SRGAP2C: variants seen among roughly 807,000 people sequenced by gnomAD.
The protein encoded by SRGAP2C is SLIT-ROBO Rho GTPase-activating protein 2C.
A neutral mutation model predicts 25.1 loss-of-function variants in SRGAP2C; 15 were observed. The ratio of observed to expected loss-of-function variants is 0.60; its 90% CI spans 0.40 to 0.92. SRGAP2C has a LOEUF of 0.92. Ranked by LOEUF, SRGAP2C falls within the 40% of genes least tolerant of loss-of-function variation. SRGAP2C has a pLI of 0.00. For synonymous variants in SRGAP2C, 44 were observed against 96.6 expected (o/e 0.46, Z 3.19); for missense variants, 144 against 264.4 (o/e 0.54, Z 3.16).
intron 2 of SRGAP2C, among the ~76,000 whole-genome samples, chr1:121,198,227 A>G (rs1422289899): frequency 7.0e-6 from 1 of 142,492 alleles, no homozygotes; most frequent in East Asian, 2.1e-4. Flanking sequence ...ATGTTCCTCC[A>G]TTTTGGTGTA....
At chr1:121,320,883 G>A (rs1236446898) in intron 3 of SRGAP2C, among the ~76,000 whole-genome samples, 4 of 152,004 alleles carry the variant, frequency 2.6e-5, no homozygotes, top group South Asian at 2.1e-4. Flanking sequence ...GTTGATTTTC[G>A]CTACCCAACC....
rs1370617454 is a variant in SRGAP2C, at chr1:121,188,883, A to G, written c.67+1370A>G. Among the ~76,000 whole-genome samples, 2 of 81,456 alleles carry G rather than the reference A, an allele frequency of 2.5e-5. 1 individual carries two copies. Among genetic ancestry groups the G allele is most frequent in the Non-Finnish European group, 4.9e-5 (2 of 40,834 alleles). 53.4% of individuals were successfully genotyped at this position (81,456 alleles called of 152,430 possible). A position where few individuals can be genotyped will look rare whatever the true frequency, so the allele number is the denominator to read the frequency against. On this transcript the variant is annotated intron_variant, in intron 2 of 9. Transcript: ENST00000367123. The stretch of plus-strand genomic sequence containing the variant: ...CTTGGCTGCAAATATTGGTAGGTTT[A>G]TTACAGAGGTGGGGGAGTTGACTGA...
At chr1:121,343,676 CA>C (rs1658680312) in intron 4 of SRGAP2C, among the ~76,000 whole-genome samples, 1 of 138,118 alleles carries the variant, frequency 7.2e-6, no homozygotes, top group African/African-American at 2.8e-5. Flanking sequence ...GCATTCCTCA[CA>C]AGATGTAGTC....
In SRGAP2C at chr1:121,204,079, C is replaced by A. The variant is rs587758755; in HGVS notation, c.67+16566C>A. Among the ~76,000 whole-genome samples the A allele has an allele frequency of 1.2e-4, 10 of 82,756 alleles. 1 individual carries two copies. The South Asian group carries it at 2.9e-3, about 24-fold the overall frequency. 54.3% of individuals were successfully genotyped at this position (82,756 alleles called of 152,430 possible). On this transcript the variant is annotated intron_variant, in intron 2 of 9. Transcript: ENST00000367123. ...ATGTGTACCTATAGTCCCAGCTACT[C>A]TGGAGGCTGAGGCAGGAGAATCTCT...
chr1:121,377,263 CTTTTTTTTTTTT>C lies in SRGAP2C; in HGVS notation c.831+2321_831+2332del, dbSNP rs57457251. 7.9e-5 allele frequency among the ~76,000 whole-genome samples: 4 copies of C among 50,418 alleles called. No individual in the cohort carries two copies. In the South Asian group the frequency reaches 2.0e-3, roughly 26 times the overall value. 33.1% of individuals were successfully genotyped at this position (50,418 alleles called of 152,430 possible). A position where few individuals can be genotyped will look rare whatever the true frequency, so the allele number is the denominator to read the frequency against. ...GGTAGTAATAAAGTTTCTCATGTTTCTTTTTTTTTTTTTTTTTTTTTTTGAGAAGGAGTCTCT... is the reference window on the plus strand; with the variant it reads ...GGTAGTAATAAAGTTTCTCATGTTTCTTTTTTTTTTTGAGAAGGAGTCTCT... On this transcript the variant is annotated intron_variant, in intron 7 of 9. Transcript: ENST00000367123.
chr1:121,356,654 G>A (rs1659070876), intron 4 of SRGAP2C, among the ~76,000 whole-genome samples: 1 of 151,298 alleles, frequency 6.6e-6, no homozygotes, highest in Non-Finnish European at 1.5e-5. Context: ...CTTGGGAAAT[G>A]GGGTGATCAC....
chr1:121,303,515 T>C (rs1202297117), intron 3 of SRGAP2C, among the ~76,000 whole-genome samples: 43 of 151,878 alleles, frequency 2.8e-4, no homozygotes, highest in African/African-American at 9.9e-4. Context: ...TACTGTGGAG[T>C]TGACCATTTT....
intron 2 of SRGAP2C, among the ~76,000 whole-genome samples, chr1:121,199,761 C>T (rs1654930058): frequency 2.1e-5 from 3 of 144,604 alleles, no homozygotes; most frequent in Admixed American, 1.4e-4. Flanking sequence ...CACCATTGCA[C>T]TCCAGCCTAG....
chr1:121,221,855 G>A (rs1553325703), intron 2 of SRGAP2C, among the ~76,000 whole-genome samples: 1 of 151,060 alleles, frequency 6.6e-6, no homozygotes, highest in Non-Finnish European at 1.5e-5. Flanking sequence ...TAAATGTGCT[G>A]TACTCATCAC....
chr1:121,235,169 AG>A (rs1558089095), intron 2 of SRGAP2C, among the ~76,000 whole-genome samples: 2 of 141,328 alleles, frequency 1.4e-5, no homozygotes, highest in Non-Finnish European at 3.0e-5. Flanking sequence ...CTGGGACTAC[AG>A]GCGCCCGCCA....
intron 4 of SRGAP2C, among the ~76,000 whole-genome samples, chr1:121,335,386 A>ATAAATAAATAAATAAT (rs1553342380): frequency 7.1e-6 from 1 of 141,744 alleles, no homozygotes; most frequent in African/African-American, 2.7e-5. Flanking sequence ...AAATAAATAA[A>ATAAATAAATAAATAAT]TAAAACAACC....
Position 121,213,769 on chromosome 1 carries a change from C to T in SRGAP2C, c.67+26256C>T, listed in dbSNP as rs1165979565. ...GATAGTCTGAAGCAAGGAGAAAGAA[C>T]ACTCCAGTCAAGGTTTTCCAGAGGA... On this transcript the variant is annotated intron_variant, in intron 2 of 9. Coordinates refer to ENST00000367123, the MANE Select transcript of SRGAP2C (RefSeq NM_001329984.2). Among the ~76,000 whole-genome samples the T allele has an allele frequency of 2.6e-5, 2 of 76,160 alleles. 1 individual carries two copies. The highest frequency in any genetic ancestry group is 1.3e-4 in the African/African-American group (2 of 15,444). The allele number at this position is 76,160 out of a possible 152,430, so 50.0% of individuals were successfully genotyped here.
At chr1:121,283,765 A>G (rs1362479355) in intron 2 of SRGAP2C, among the ~76,000 whole-genome samples, 1 of 151,508 alleles carries the variant, frequency 6.6e-6, no homozygotes, top group African/African-American at 2.4e-5. Context: ...CTTCAGCAGG[A>G]TACACACTGC....
At chr1:121,240,927 C>T (rs1408281483) in intron 2 of SRGAP2C, among the ~76,000 whole-genome samples, 4 of 64,976 alleles carry the variant, frequency 6.2e-5, no homozygotes, top group South Asian at 5.6e-4. Flanking sequence ...CTTCTGGGCT[C>T]GAGTGATCCT....
intron 2 of SRGAP2C, among the ~76,000 whole-genome samples, chr1:121,263,430 C>CAA (rs1182973540): frequency 0.013 from 1,142 of 87,834 alleles, 58 homozygotes; most frequent in African/African-American, 0.039. Flanking sequence ...GACTCCGTCT[C>CAA]AAAAAAAAAA....
In SRGAP2C at chr1:121,338,622, C is replaced by T. The variant is rs1305654439; in HGVS notation, c.423+13982C>T. On this transcript the variant is annotated intron_variant, in intron 4 of 9. Coordinates refer to ENST00000367123, the MANE Select transcript of SRGAP2C (RefSeq NM_001329984.2). ...CATTTGGGTCTACATCCAGCTTCTC[C>T]CAGCATTTACTCAATATGAAACTTC... 4.8e-3 allele frequency among the ~76,000 whole-genome samples: 620 copies of T among 129,038 alleles called. 6 individuals are homozygous for T. Among genetic ancestry groups the T allele is most frequent in the African/African-American group, 0.017 (585 of 34,198 alleles). The allele number at this position is 129,038 out of a possible 152,430, so 84.7% of individuals were successfully genotyped here.
intron 4 of SRGAP2C, among the ~76,000 whole-genome samples, chr1:121,359,665 A>G (rs1659142572): frequency 6.6e-6 from 1 of 152,232 alleles, no homozygotes; most frequent in Non-Finnish European, 1.5e-5. Flanking sequence ...CTACATGGGA[A>G]GCTGAGGGAA....
chr1:121,212,410 G>A (rs587633224), intron 2 of SRGAP2C, among the ~76,000 whole-genome samples: 2 of 152,258 alleles, frequency 1.3e-5, no homozygotes, highest in African/African-American at 4.8e-5. Flanking sequence ...GATTACAGGG[G>A]TGAGCCACCA....
At chr1:121,329,194 G>C (rs1186667124) in intron 4 of SRGAP2C, among the ~76,000 whole-genome samples, 1 of 151,278 alleles carries the variant, frequency 6.6e-6, no homozygotes, top group Non-Finnish European at 1.5e-5. Context: ...CTAGGCAACA[G>C]AGCAAGACTT....
Sources: allele counts gnomAD v4.1 joint callset (sites outside exome capture counted in the v4.1 genomes callset), GRCh38; gene constraint gnomAD v4.1.1; transcripts MANE v1.5; gene names NCBI Gene and HGNC (gene_info 2026-07-23, HGNC 2026-07-21).